The following SYNC variants were observed in gnomAD, a reference collection of about 807,000 sequenced individuals.
SYNC encodes the protein syncoilin.
In SYNC, 38 loss-of-function variants were observed where a neutral mutation model predicts 49.5. The ratio of observed to expected loss-of-function variants is 0.77; its 90% confidence interval spans 0.59 to 1.01. SYNC has a LOEUF of 1.01. Ranked by LOEUF, SYNC falls within the 50% of genes least tolerant of loss-of-function variation. The pLI, the probability that SYNC is intolerant of heterozygous loss-of-function variation, is 0.00. For synonymous variants in SYNC, 201 were observed against 230.8 expected (o/e 0.87, Z 1.17); for missense variants, 579 against 580.6 (o/e 1.00, Z 0.03).
At chr1:32,687,872 T>TG (rs1362932523) in intron 2 of SYNC, among the ~76,000 whole-genome samples, 4 of 148,042 alleles carry the variant, frequency 2.7e-5, no homozygotes, top group African/African-American at 9.9e-5. Flanking sequence ...TTTTTTGAGA[T>TG]GGAGTCTTGC....
intron 4 of SYNC, 117 bp from the exon 5 acceptor site, chr1:32,681,977 C>T: frequency 3.3e-6 from 3 of 900,532 alleles, no homozygotes; most frequent in Admixed American, 4.2e-5. Flanking sequence ...ATGACTTTCC[C>T]CTAGCAAATA....
At chr1:32,700,261 T>C (rs1222734434) in intron 1 of SYNC, among the ~76,000 whole-genome samples, 1 of 152,166 alleles carries the variant, frequency 6.6e-6, no homozygotes, top group Non-Finnish European at 1.5e-5. Flanking sequence ...CCAGCCAAAC[T>C]CACTCTGATA....
chr1:32,681,735 T>G lies in SYNC; in HGVS notation c.*115A>C, dbSNP rs1052823231. 6.4e-7 allele frequency: 1 copy of G among 1,563,484 alleles called. No individual in the cohort carries two copies. Among genetic ancestry groups the G allele is most frequent in the South Asian group, 1.1e-5 (1 of 88,916 alleles). On this transcript the variant is annotated 3_prime_UTR_variant, in exon 5 of 5. Transcript: ENST00000409190. ...TTGCAACTTCCACAGGATGAATTGC[T>G]TGCCAAGTTTCTGGCACTCTTGTCT...
intron 2 of SYNC, among the ~76,000 whole-genome samples, chr1:32,690,080 C>T (rs1468792567): frequency 6.6e-6 from 1 of 152,098 alleles, no homozygotes; most frequent in African/African-American, 2.4e-5. Context: ...AGCTATTATA[C>T]TACCAAGAGT....
intron 1 of SYNC, among the ~76,000 whole-genome samples, chr1:32,701,899 G>A (rs1570932584): frequency 6.6e-6 from 1 of 152,206 alleles, no homozygotes; most frequent in Non-Finnish European, 1.5e-5. Flanking sequence ...AGCAGTATGG[G>A]TGAGTGTGTG....
At position 32,695,689 on chromosome 1, in the gene SYNC, C is replaced by T. The variant is rs1368296620; in HGVS notation, c.409G>A (p.Val137Ile). 11 of 1,551,514 alleles carry T rather than the reference C, an allele frequency of 7.1e-6. No individual in the cohort carries two copies. The highest frequency in any genetic ancestry group is 8.7e-6 in the Non-Finnish European group (10 of 1,147,026). ...PGKPTSPEHV[V>I]YEGETVTRAE... ...CTTGTGACTGTCTCTCCCTCATAAA[C>T]AACGTGCTCTGGGCTTGTGGGCTTT... The change falls in exon 2 of 5, where the codon GTT (valine) becomes ATT (isoleucine). Residue 137 changes from valine to isoleucine, a missense_variant. Physicochemically the swap from Val to Ile is conservative, Grantham distance 29. Coordinates refer to ENST00000409190, the MANE Select transcript of SYNC (RefSeq NM_030786.3).
intron 3 of SYNC, 44 bp downstream of exon 3, chr1:32,684,214 C>T: frequency 1.9e-6 from 3 of 1,610,898 alleles, no homozygotes; most frequent in Non-Finnish European, 2.5e-6. Context: ...CCACCATCCC[C>T]TCAGCCAGTA....
intron 1 of SYNC, among the ~76,000 whole-genome samples, chr1:32,701,457 G>C (rs1650666189): frequency 2.0e-5 from 3 of 152,162 alleles, no homozygotes. Flanking sequence ...GTGGGGCTCT[G>C]TAAGGGCAGA....
intron 2 of SYNC, among the ~76,000 whole-genome samples, chr1:32,691,570 T>TAAA (rs1557873798): frequency 1.2e-4 from 1 of 8,144 alleles, no homozygotes; most frequent in African/African-American, 1.6e-4. Flanking sequence ...AAAAAAAAAG[T>TAAA]AGCAAGGCAA....
At chr1:32,703,291 C>G (rs1055294076), upstream of SYNC, among the ~76,000 whole-genome samples, 14 of 152,154 alleles carry the variant, frequency 9.2e-5, no homozygotes, top group East Asian at 7.7e-4. Context: ...AGCCTGGGGG[C>G]GGGCTGGGTG....
intron 4 of SYNC, chr1:32,682,596 C>T (rs892832763): frequency 6.6e-6 from 1 of 151,772 alleles, no homozygotes; most frequent in African/African-American, 2.4e-5. Flanking sequence ...GATGGTGAAA[C>T]CCCGTTTCTA....
In SYNC at chr1:32,695,336, C is replaced by A. The variant is rs1369118965; in HGVS notation, c.762G>T (p.Val254=). 1 of 1,551,670 alleles carries A rather than the reference C, an allele frequency of 6.4e-7. No homozygotes were observed. Among genetic ancestry groups the A allele is most frequent in the Non-Finnish European group, 8.7e-7 (1 of 1,147,062 alleles). The change falls in exon 2 of 5, where the codon GTG becomes GTT. Residue 254 remains valine (V), a synonymous_variant. Coordinates refer to ENST00000409190, the MANE Select transcript of SYNC (RefSeq NM_030786.3). The part of the protein sequence containing the change: ...QKLFKVTKEC[V]AYQYQLECRQ... Reference sequence around the variant, plus strand: ...GGCACTCCAGCTGGTATTGGTAGGCCACACATTCCTTTGTCACTTTGAAAA... The same window carrying A: ...GGCACTCCAGCTGGTATTGGTAGGCAACACATTCCTTTGTCACTTTGAAAA...
At position 32,681,784 on chromosome 1, in the gene SYNC, G is replaced by A. The variant is rs768823697; in HGVS notation, c.*66C>T. On this transcript the variant is annotated 3_prime_UTR_variant, in exon 5 of 5. Transcript: ENST00000409190. ...CTGGTTGGAAGAGTACATCCAAAGG[G>A]TACTTAGTGATCCTTTGCTAAGAAG... 2 of 1,613,502 alleles carry A rather than the reference G, an allele frequency of 1.2e-6. No individual in the cohort carries two copies. The highest frequency in any genetic ancestry group is 8.5e-7 in the Non-Finnish European group (1 of 1,179,590).
rs748687023 is a variant in SYNC at position 32,694,871 on chromosome 1, C to T, written c.1227G>A (p.Gln409=). ...TCATGCCCAATGGGCCTACCCTGTA[C>T]TGCTGCACCTCTTCATCTCGTTTTT... is the stretch of plus-strand genomic sequence containing the variant. ...VRQKRDEEVQ[Q]YREQLEEMEE... Residue 409 remains glutamine (Q), a synonymous_variant, in exon 2 of 5, where the codon CAG becomes CAA. Transcript: ENST00000409190. The T allele has an allele frequency of 1.2e-6, 2 of 1,603,730 alleles. No homozygotes were observed. Among genetic ancestry groups the T allele is most frequent in the Non-Finnish European group, 1.7e-6 (2 of 1,175,686 alleles).
chr1:32,697,956 C>T (rs1255509429), intron 1 of SYNC, among the ~76,000 whole-genome samples: 2 of 151,942 alleles, frequency 1.3e-5, no homozygotes, highest in Non-Finnish European at 2.9e-5. Flanking sequence ...GGCGAGATGG[C>T]TCACGCCTGT....
intron 2 of SYNC, among the ~76,000 whole-genome samples, chr1:32,693,081 G>GT (rs1441871786): frequency 0.017 from 1,128 of 65,686 alleles, 24 homozygotes; most frequent in African/African-American, 0.047. Context: ...TTTTTTGTTT[G>GT]TTTGTTTTTG....
upstream of SYNC, among the ~76,000 whole-genome samples, chr1:32,703,324 G>A (rs1650742543): frequency 6.6e-6 from 1 of 152,170 alleles, no homozygotes; most frequent in Non-Finnish European, 1.5e-5. Flanking sequence ...GAGAACTGCG[G>A]AGGAGTTTAC....
In SYNC at chr1:32,679,978, G is replaced by C; in HGVS notation, c.*1872C>G. ...CTACAGAAAGGGGAATATTATGTGT[G>C]ATTATTTTTCTTCTTATGCTATATC... On this transcript the variant is annotated 3_prime_UTR_variant, in exon 5 of 5. Transcript: ENST00000409190. 1 of 1,203,352 alleles carries C rather than the reference G, an allele frequency of 8.3e-7. No homozygotes were observed. The highest frequency in any genetic ancestry group is 1.0e-6 in the Non-Finnish European group (1 of 969,396). 74.5% of individuals were successfully genotyped at this position (1,203,352 alleles called of 1,614,324 possible). A position where few individuals can be genotyped will look rare whatever the true frequency, so the allele number is the denominator to read the frequency against.
intron 2 of SYNC, among the ~76,000 whole-genome samples, chr1:32,689,517 A>G (rs1650056648): frequency 6.6e-6 from 1 of 151,762 alleles, no homozygotes; most frequent in African/African-American, 2.4e-5. Flanking sequence ...TCTAATTGCT[A>G]TTGCCAGCAC....
Sources: allele counts gnomAD v4.1 joint callset (sites outside exome capture counted in the v4.1 genomes callset), GRCh38; gene constraint gnomAD v4.1.1; transcripts MANE v1.5; gene names NCBI Gene and HGNC (gene_info 2026-07-23, HGNC 2026-07-21).